PIP5K1C: variants seen among roughly 807,000 people sequenced by gnomAD.
PIP5K1C encodes the protein phosphatidylinositol 4-phosphate 5-kinase type-1 gamma.
PIP5K1C carries 45 observed loss-of-function variants against 80.1 expected under a neutral mutation model. That is an observed-to-expected ratio of 0.56 (90% CI 0.44 to 0.72). The LOEUF is 0.72. PIP5K1C is among the 30% of genes least tolerant of loss of function. PIP5K1C has a pLI of 0.00. For synonymous variants in PIP5K1C, 498 were observed against 420.1 expected (o/e 1.19, Z -2.27); for missense variants, 753 against 954.6 (o/e 0.79, Z 2.78).
intron 2 of PIP5K1C, among the ~76,000 whole-genome samples, chr19:3,665,407 C>A (rs2034974445): frequency 6.6e-6 from 1 of 152,088 alleles, no homozygotes; most frequent in Admixed American, 6.6e-5. Context: ...TCACTGCACA[C>A]TTCAGAGAGT....
In PIP5K1C at chr19:3,637,991, G is replaced by A; in HGVS notation, c.1920+893C>T. 1 of 1,524,394 alleles carries A rather than the reference G, an allele frequency of 6.6e-7. No individual in the cohort carries two copies. The highest frequency in any genetic ancestry group is 8.8e-7 in the Non-Finnish European group (1 of 1,141,278). 94.4% of individuals were successfully genotyped at this position (1,524,394 alleles called of 1,614,324 possible). A position where few individuals can be genotyped will look rare whatever the true frequency, so the allele number is the denominator to read the frequency against. On this transcript the variant is annotated intron_variant, in intron 16 of 17. Transcript: ENST00000335312. The surrounding 1 kb of genome is among the most constrained non-coding windows in gnomAD (Gnocchi z 7.0). Reference sequence around the variant, plus strand: ...CTCCAGGGCCAGGTGGGTGCATGGGGACCCCAGAGGCGCCACTGGAGACAG... The same window carrying A: ...CTCCAGGGCCAGGTGGGTGCATGGGAACCCCAGAGGCGCCACTGGAGACAG...
chr19:3,678,741 G>A (rs1473399707), intron 1 of PIP5K1C, among the ~76,000 whole-genome samples: 1 of 138,048 alleles, frequency 7.2e-6, no homozygotes, highest in African/African-American at 2.7e-5. Flanking sequence ...GCAGGATGGA[G>A]GGAGGGACAG....
intron 1 of PIP5K1C, among the ~76,000 whole-genome samples, chr19:3,671,564 C>T (rs1025933616): frequency 5.3e-5 from 8 of 152,180 alleles, no homozygotes; most frequent in African/African-American, 1.4e-4. Context: ...CTGGCCGGGG[C>T]CGAAGCACTG....
In PIP5K1C at chr19:3,648,923, C is replaced by A. The variant is rs953812805; in HGVS notation, c.1128-215G>T. 7.2e-5 allele frequency among the ~76,000 whole-genome samples: 11 copies of A among 152,228 alleles called. No homozygotes were observed. Among genetic ancestry groups the A allele is most frequent in the African/African-American group, 2.6e-4 (11 of 41,526 alleles). ...CCAGGCCCAGGCACTGCTGAGGAGT[C>A]CCAGCTAGGAGGCCTGGGCACATAC... On this transcript the variant is annotated intron_variant, in intron 8 of 17. Coordinates refer to ENST00000335312, the MANE Select transcript of PIP5K1C (RefSeq NM_012398.3). This position sits in a 1 kb window ranked among gnomAD's most constrained non-coding sequence, Gnocchi z 4.3.
In PIP5K1C at chr19:3,645,896, C is replaced by T. The variant is rs893972831; in HGVS notation, c.1345+78G>A. 150 of 1,141,188 alleles carry T rather than the reference C, an allele frequency of 1.3e-4. 1 individual carries two copies. In the South Asian group the frequency reaches 1.6e-3, roughly 12 times the overall value. 70.7% of individuals were successfully genotyped at this position (1,141,188 alleles called of 1,614,324 possible). The stretch of plus-strand genomic sequence containing the variant: ...CCTGCCCAGGGGGCTCTCGGCCTCC[C>T]GCAGAGTCCCTCCTGCCCCACGGCG... On this transcript the variant is annotated intron_variant, in intron 11 of 17. Coordinates refer to ENST00000335312, the MANE Select transcript of PIP5K1C (RefSeq NM_012398.3).
At chr19:3,656,776 G>A (rs2034648973) in intron 5 of PIP5K1C, among the ~76,000 whole-genome samples, 1 of 152,216 alleles carries the variant, frequency 6.6e-6, no homozygotes, top group Non-Finnish European at 1.5e-5. Flanking sequence ...GGGCTGGTCT[G>A]CTAGGGCGCA....
At position 3,700,456 on chromosome 19, in the gene PIP5K1C, A is replaced by G; in HGVS notation, c.-66T>C. ...CGAGCTGCGACCGCCGCCGCCGAACAACAAGCGCCGCCGGCCAAGGGAGGG... is the reference window on the plus strand; with the variant it reads ...CGAGCTGCGACCGCCGCCGCCGAACGACAAGCGCCGCCGGCCAAGGGAGGG... On this transcript the variant is annotated 5_prime_UTR_variant, in exon 1 of 18. Coordinates refer to ENST00000335312, the MANE Select transcript of PIP5K1C (RefSeq NM_012398.3). 4 of 882,542 alleles carry G rather than the reference A, an allele frequency of 4.5e-6. No homozygotes were observed. Among genetic ancestry groups the G allele is most frequent in the Non-Finnish European group, 5.5e-6 (4 of 729,996 alleles). The allele number at this position is 882,542 out of a possible 1,614,324, so 54.7% of individuals were successfully genotyped here.
rs200336384 is a variant in PIP5K1C at position 3,667,324 on chromosome 19, C to G, written c.124G>C (p.Glu42Gln). The G allele has an allele frequency of 1.7e-5, 28 of 1,612,994 alleles. No individual in the cohort carries two copies. The Admixed American group carries it at 2.2e-4, about 12-fold the overall frequency. Reference protein sequence around the residue: ...GLAQKKAAPTEVLSMTAQPGP... With the variant: ...GLAQKKAAPTQVLSMTAQPGP... The stretch of plus-strand genomic sequence containing the variant: ...CTTCGTCCGCTCCAGACACTCACCT[C>G]TGTTGGGGCCGCCTTCTTCTGAGCC... The change falls in exon 2 of 18, where the codon GAG (glutamate) becomes CAG (glutamine). Residue 42 changes from glutamate (E) to glutamine (Q), a missense_variant and splice_region_variant. By Grantham distance (29) the Glu-to-Gln change is conservative. This residue lies in a region of PIP5K1C where 78 missense variants were observed against 67.1 expected (regional missense o/e 1.16). Transcript: ENST00000335312.
rs185045972 is a variant in PIP5K1C, at chr19:3,676,667, G to T, written c.95-9314C>A. Among the ~76,000 whole-genome samples, 213 of 152,248 alleles carry T rather than the reference G, an allele frequency of 1.4e-3. 1 individual carries two copies. Among genetic ancestry groups the T allele is most frequent in the African/African-American group, 5.0e-3 (207 of 41,546 alleles). On this transcript the variant is annotated intron_variant, in intron 1 of 17. Coordinates refer to ENST00000335312, the MANE Select transcript of PIP5K1C (RefSeq NM_012398.3). ...GGAAATGGGGATTTGGGGAAATTTAGGAAGTTACCCAAAGTCAACGGTGAA... is the reference window on the plus strand; with the variant it reads ...GGAAATGGGGATTTGGGGAAATTTATGAAGTTACCCAAAGTCAACGGTGAA...
chr19:3,700,365 G>A lies in PIP5K1C; in HGVS notation c.26C>T (p.Ala9Val). 3.1e-6 allele frequency: 4 copies of A among 1,278,116 alleles called. No homozygotes were observed. Among genetic ancestry groups the A allele is most frequent in the South Asian group, 1.5e-5 (1 of 64,916 alleles). 79.2% of individuals were successfully genotyped at this position (1,278,116 alleles called of 1,614,324 possible). MELEVPDE[A>V]ESAEAGAVPS... Reference sequence around the variant, plus strand: ...CACGGCCCCCGCCTCAGCGCTCTCCGCCTCGTCCGGTACCTCCAGCTCCAT... The same window carrying A: ...CACGGCCCCCGCCTCAGCGCTCTCCACCTCGTCCGGTACCTCCAGCTCCAT... The change falls in exon 1 of 18, where the codon GCG (alanine) becomes GTG (valine). Residue 9 changes from alanine to valine, a missense_variant. Ala to Val is a moderately conservative substitution (Grantham distance 64). This residue lies in a region of PIP5K1C where 78 missense variants were observed against 67.1 expected (regional missense o/e 1.16). Coordinates refer to ENST00000335312, the MANE Select transcript of PIP5K1C (RefSeq NM_012398.3).
rs1181476362 is a variant in PIP5K1C at position 3,688,692 on chromosome 19, G to A, written c.94+11605C>T. Among the ~76,000 whole-genome samples, 4 of 152,108 alleles carry A rather than the reference G, an allele frequency of 2.6e-5. No individual in the cohort carries two copies. Among genetic ancestry groups the A allele is most frequent in the South Asian group, 2.1e-4 (1 of 4,824 alleles). On this transcript the variant is annotated intron_variant, in intron 1 of 17. Transcript: ENST00000335312. This position sits in a 1 kb window ranked among gnomAD's most constrained non-coding sequence, Gnocchi z 5.3. ...CCGGATGAGCCCCATGGAGAAACCC[G>A]TAGTGAGAGAAGCTTTGCTCAAACA...
In PIP5K1C at chr19:3,662,012, A is replaced by C; in HGVS notation, c.220-11T>G. Reference sequence around the variant, plus strand: ...GGTGGAGGAGGTGGTCTGCAGGGAGACCAGAGTGTCAGGGCCCCCGGCTGC... The same window carrying C: ...GGTGGAGGAGGTGGTCTGCAGGGAGCCCAGAGTGTCAGGGCCCCCGGCTGC... On this transcript the variant is annotated splice_polypyrimidine_tract_variant and intron_variant, in intron 3 of 17. Coordinates refer to ENST00000335312, the MANE Select transcript of PIP5K1C (RefSeq NM_012398.3). 1 of 1,581,960 alleles carries C rather than the reference A, an allele frequency of 6.3e-7. No homozygotes were observed. The highest frequency in any genetic ancestry group is 8.6e-7 in the Non-Finnish European group (1 of 1,166,864).
intron 1 of PIP5K1C, among the ~76,000 whole-genome samples, chr19:3,679,500 C>T (rs887552127): frequency 6.6e-6 from 1 of 152,226 alleles, no homozygotes; most frequent in African/African-American, 2.4e-5. Context: ...ACTGATCTTG[C>T]TCCTTCCTGT....
chr19:3,662,627 G>A lies in PIP5K1C; in HGVS notation c.220-626C>T, dbSNP rs753456858. On this transcript the variant is annotated intron_variant, in intron 3 of 17. Coordinates refer to ENST00000335312, the MANE Select transcript of PIP5K1C (RefSeq NM_012398.3). ...GTCGCCCAGGCTGGAGTGCAGTGGC[G>A]CAATCTCAGCTCACTGCAACCTCCA... is the stretch of plus-strand genomic sequence containing the variant. 2.2e-4 allele frequency among the ~76,000 whole-genome samples: 33 copies of A among 152,130 alleles called. 1 individual carries two copies. The highest frequency in any genetic ancestry group is 1.3e-4 in the Non-Finnish European group (9 of 68,006).
At chr19:3,668,220 C>T (rs1455685238) in intron 1 of PIP5K1C, among the ~76,000 whole-genome samples, 4 of 151,938 alleles carry the variant, frequency 2.6e-5, no homozygotes, top group African/African-American at 9.7e-5. Context: ...CGAGACTCAG[C>T]TCCTAGGACC....
chr19:3,658,480 G>A (rs934647533), intron 5 of PIP5K1C, among the ~76,000 whole-genome samples: 1 of 152,254 alleles, frequency 6.6e-6, no homozygotes, highest in African/African-American at 2.4e-5. Context: ...CGGCTCCTCC[G>A]CCTTCCCCGC....
At chr19:3,670,318 T>C (rs2035165585) in intron 1 of PIP5K1C, among the ~76,000 whole-genome samples, 1 of 152,168 alleles carries the variant, frequency 6.6e-6, no homozygotes, top group African/African-American at 2.4e-5. Context: ...TTGGGTAAGA[T>C]GAGGTCATGC....
At chr19:3,657,349 G>T (rs184938775) in intron 5 of PIP5K1C, among the ~76,000 whole-genome samples, 52 of 152,336 alleles carry the variant, frequency 3.4e-4, no homozygotes, top group African/African-American at 1.3e-3. Flanking sequence ...ACCCACGGGT[G>T]CTACCCTGCG....
chr19:3,658,430 C>G (rs2034711983), intron 5 of PIP5K1C, among the ~76,000 whole-genome samples: 1 of 152,244 alleles, frequency 6.6e-6, no homozygotes, highest in Admixed American at 6.5e-5. Context: ...CTGCCCACAG[C>G]CACGAGCCAC....
Sources: allele counts gnomAD v4.1 joint callset (sites outside exome capture counted in the v4.1 genomes callset), GRCh38; gene constraint gnomAD v4.1.1; regional missense constraint gnomAD v4.1.1; non-coding constraint Gnocchi (gnomAD v3.1); transcripts MANE v1.5; gene names NCBI Gene and HGNC (gene_info 2026-07-23, HGNC 2026-07-21).